MSRB3: variants seen among roughly 807,000 people sequenced by gnomAD.
MSRB3 encodes methionine-R-sulfoxide reductase B3.
A neutral mutation model predicts 21.0 loss-of-function variants in MSRB3; 13 were observed. That is an observed-to-expected ratio of 0.62 (90% CI 0.40 to 0.98). MSRB3 has a LOEUF of 0.98. Among genes scored for constraint, MSRB3 ranks in the 50% least tolerant of loss-of-function variants. MSRB3 has a pLI of 0.00. For missense variants in MSRB3, 199 were observed against 230.3 expected (o/e 0.86, Z 0.88); for synonymous variants, 87 against 88.6 (o/e 0.98, Z 0.10).
At chr12:65,300,690 G>A (rs556707280) in intron 1 of MSRB3, among the ~76,000 whole-genome samples, 1 of 152,186 alleles carries the variant, frequency 6.6e-6, no homozygotes, top group Non-Finnish European at 1.5e-5. Context: ...AATGCTGAAG[G>A]TTTAGTTCTT....
At chr12:65,378,521 G>A (rs1565863644) in intron 5 of MSRB3, among the ~76,000 whole-genome samples, 2 of 152,156 alleles carry the variant, frequency 1.3e-5, no homozygotes. Flanking sequence ...AGCACATAAT[G>A]ATATGATTAT....
At chr12:65,404,098 C>T (rs1265585608) in intron 5 of MSRB3, among the ~76,000 whole-genome samples, 1 of 152,216 alleles carries the variant, frequency 6.6e-6, no homozygotes, top group Non-Finnish European at 1.5e-5. Context: ...TAGAGTTTCA[C>T]CATGTTGCCC....
At chr12:65,328,165 G>T (rs925717227) in intron 3 of MSRB3, among the ~76,000 whole-genome samples, 2 of 151,858 alleles carry the variant, frequency 1.3e-5, no homozygotes, top group African/African-American at 4.8e-5. Flanking sequence ...GGACCCTTCT[G>T]CATTTTCTGG....
chr12:65,364,412 A>G (rs1877888385), intron 4 of MSRB3, among the ~76,000 whole-genome samples: 1 of 152,238 alleles, frequency 6.6e-6, no homozygotes, highest in African/African-American at 2.4e-5. Context: ...AGTTGCCAAA[A>G]GAAACGGTTG....
At chr12:65,371,502 AC>A (rs935097105) in intron 5 of MSRB3, among the ~76,000 whole-genome samples, 35 of 151,572 alleles carry the variant, frequency 2.3e-4, no homozygotes, top group African/African-American at 5.8e-4. Flanking sequence ...ACTAGGAAAA[AC>A]AAAACCATAA....
intron 1 of MSRB3, chr12:65,279,242 C>T: frequency 3.4e-6 from 1 of 291,020 alleles, no homozygotes. Flanking sequence ...GGGGTCCATC[C>T]CGGAGCCCTC....
chr12:65,352,862 T>A (rs1227286121), intron 4 of MSRB3, among the ~76,000 whole-genome samples: 2 of 151,492 alleles, frequency 1.3e-5, no homozygotes, highest in Admixed American at 1.3e-4. Flanking sequence ...ATAGGAAGAA[T>A]CAATATCGTG....
At chr12:65,401,936 A>G (rs1341272463) in intron 5 of MSRB3, among the ~76,000 whole-genome samples, 1 of 151,944 alleles carries the variant, frequency 6.6e-6, no homozygotes, top group Admixed American at 6.6e-5. Context: ...TTGAATATTG[A>G]CCCCCACTCT....
intron 5 of MSRB3, chr12:65,419,260 G>A (rs1881148694): frequency 1.4e-6 from 1 of 731,292 alleles, no homozygotes; most frequent in Admixed American, 1.8e-5. Context: ...GTCATATTGG[G>A]CCCAGATGTC....
chr12:65,439,395 A>G (rs188010743), intron 5 of MSRB3, among the ~76,000 whole-genome samples: 1 of 151,856 alleles, frequency 6.6e-6, no homozygotes, highest in East Asian at 1.9e-4. Context: ...CTAAATAAGG[A>G]TAGAGGATAA....
intron 2 of MSRB3, among the ~76,000 whole-genome samples, chr12:65,323,874 A>ATAT (rs1309449238): frequency 6.6e-6 from 1 of 152,118 alleles, no homozygotes; most frequent in Non-Finnish European, 1.5e-5. Flanking sequence ...TCCAGGAAGT[A>ATAT]TATTATTATT....
intron 5 of MSRB3, among the ~76,000 whole-genome samples, chr12:65,399,561 G>A (rs142592109): frequency 2.0e-5 from 3 of 152,284 alleles, no homozygotes; most frequent in Non-Finnish European, 4.4e-5. Flanking sequence ...GAGACAATTT[G>A]ACTTTCTGTC....
At chr12:65,440,630 G>A (rs1337030908) in intron 5 of MSRB3, among the ~76,000 whole-genome samples, 2 of 151,898 alleles carry the variant, frequency 1.3e-5, no homozygotes, top group Admixed American at 1.3e-4. Flanking sequence ...GTTTGTGGAT[G>A]CTGACTAAGG....
At chr12:65,452,314 A>G (rs1028868597) in intron 5 of MSRB3, among the ~76,000 whole-genome samples, 1 of 152,200 alleles carries the variant, frequency 6.6e-6, no homozygotes, top group African/African-American at 2.4e-5. Context: ...TTATTTTTCA[A>G]TGTCCTCAAA....
In MSRB3 at chr12:65,384,638, G is replaced by A. The variant is rs184454293; in HGVS notation, c.292+15612G>A. Among the ~76,000 whole-genome samples, 424 of 152,104 alleles carry A rather than the reference G, an allele frequency of 2.8e-3. 3 individuals are homozygous for A. The highest frequency in any genetic ancestry group is 3.1e-3 in the Non-Finnish European group (214 of 67,968). On this transcript the variant is annotated intron_variant, in intron 5 of 6. Coordinates refer to ENST00000308259, the MANE Select transcript of MSRB3 (RefSeq NM_001031679.3). ...TATCATTCATAATCCTCTTGAAGTC[G>A]TGTTTTACCTTATCAAATTGTGCCT...
intron 5 of MSRB3, among the ~76,000 whole-genome samples, chr12:65,403,967 A>G (rs549681943): frequency 2.0e-5 from 3 of 152,292 alleles, no homozygotes; most frequent in Non-Finnish European, 1.5e-5. Flanking sequence ...GAGATGAGCC[A>G]GGTACCTCAG....
chr12:65,402,913 G>C (rs921847698), intron 5 of MSRB3, among the ~76,000 whole-genome samples: 1 of 152,196 alleles, frequency 6.6e-6, no homozygotes, highest in Non-Finnish European at 1.5e-5. Flanking sequence ...GACCCTGTTT[G>C]CTTGGGTATC....
chr12:65,422,388 GTATATATATATATA>G lies in MSRB3; in HGVS notation c.293-31310_293-31297del, dbSNP rs59746471. Among the ~76,000 whole-genome samples, 251 of 92,486 alleles carry G rather than the reference GTATATATATATATA, an allele frequency of 2.7e-3. 3 individuals carry two copies. The highest frequency in any genetic ancestry group is 0.011 in the African/African-American group (234 of 22,246). The allele number at this position is 92,486 out of a possible 152,430, so 60.7% of individuals were successfully genotyped here. A position where few individuals can be genotyped will look rare whatever the true frequency, so the allele number is the denominator to read the frequency against. ...AATTTTTAATTTTTGGGAGTACATAGTATATATATATATATATATATATATATATATATATATAT... is the reference window on the plus strand; with the variant it reads ...AATTTTTAATTTTTGGGAGTACATAGTATATATATATATATATATATATAT... On this transcript the variant is annotated intron_variant, in intron 5 of 6. Transcript: ENST00000308259.
At chr12:65,294,184 A>G (rs1196150824) in intron 1 of MSRB3, among the ~76,000 whole-genome samples, 3 of 152,160 alleles carry the variant, frequency 2.0e-5, no homozygotes, top group Non-Finnish European at 4.4e-5. Context: ...CCCTTGTTTC[A>G]TATGGCTTCC....
Sources: allele counts gnomAD v4.1 joint callset (sites outside exome capture counted in the v4.1 genomes callset), GRCh38; gene constraint gnomAD v4.1.1; transcripts MANE v1.5; gene names NCBI Gene and HGNC (gene_info 2026-07-23, HGNC 2026-07-21).